GALNT6: variants seen among roughly 807,000 people sequenced by gnomAD.
GALNT6 encodes the protein polypeptide N-acetylgalactosaminyltransferase 6, also known as GalNAc transferase 6.
In GALNT6, 51 loss-of-function variants were observed where a neutral mutation model predicts 65.9. That is an observed-to-expected ratio of 0.77 (90% confidence interval 0.62 to 0.98). GALNT6 has a LOEUF of 0.98. Among genes scored for constraint, GALNT6 ranks in the 50% least tolerant of loss-of-function variants. GALNT6 has a pLI of 0.00. For missense variants in GALNT6, 708 were observed against 803.3 expected (o/e 0.88, Z 1.43); for synonymous variants, 323 against 315.1 (o/e 1.02, Z -0.26).
rs1330835255 is a variant in GALNT6 at position 51,359,317 on chromosome 12, C to T, written c.1183G>A (p.Gly395Ser). Residue 395 changes from glycine to serine, a missense_variant, in exon 8 of 12, where the codon GGC (glycine) becomes AGC (serine). By Grantham distance (56) the Gly-to-Ser change is moderately conservative. Transcript: ENST00000356317. ...GAGCAGGGGATGATCTCCAGCTGGC[C>T]CCCACACTGCCACACCTGATGTAAG... ...EMSFRVWQCG[G>S]QLEIIPCSVV... 1.2e-6 allele frequency: 2 copies of T among 1,610,604 alleles called. No individual in the cohort carries two copies. Among genetic ancestry groups the T allele is most frequent in the African/African-American group, 1.3e-5 (1 of 74,822 alleles).
rs369224950 is a variant in GALNT6, at chr12:51,378,882, AC to A, written c.491+408del. On this transcript the variant is annotated intron_variant, in intron 3 of 11. Transcript: ENST00000356317. ...CCAGGGTTGCTGTTAAGAAATGCCC[AC>A]CCCCCCCCCAAACAGCTCAGCATTA... Among the ~76,000 whole-genome samples, 236 of 115,082 alleles carry A rather than the reference AC, an allele frequency of 2.1e-3. 3 individuals are homozygous for A. The highest frequency in any genetic ancestry group is 7.6e-3 in the African/African-American group (204 of 26,742). The allele number at this position is 115,082 out of a possible 152,430, so 75.5% of individuals were successfully genotyped here.
At chr12:51,358,395 G>T in intron 8 of GALNT6, 134 bp from the exon 9 acceptor site, 2 of 997,578 alleles carry the variant, frequency 2.0e-6, no homozygotes, top group East Asian at 5.0e-5. Flanking sequence ...TCCCCTCCTG[G>T]GTTCAAGCGA....
chr12:51,379,411 T>G lies in GALNT6; in HGVS notation c.371A>C (p.Lys124Thr). ...GADGKAFQKS[K>T]WTPLETQEKE... ...TTCCTGGGTCTCCAGGGGGGTCCAC[T>G]TGCTCTTCTGAAATGCTTTTCCATC... The change falls in exon 3 of 12, where the codon AAG becomes ACG. Residue 124 changes from lysine to threonine, a missense_variant. Lys to Thr is a moderately conservative substitution (Grantham distance 78). Coordinates refer to ENST00000356317, the MANE Select transcript of GALNT6 (RefSeq NM_007210.4). The G allele has an allele frequency of 6.2e-7, 1 of 1,609,282 alleles. No homozygotes were observed. Among genetic ancestry groups the G allele is most frequent in the Non-Finnish European group, 8.5e-7 (1 of 1,177,676 alleles).
intron 4 of GALNT6, among the ~76,000 whole-genome samples, chr12:51,370,142 G>A (rs1947243768): frequency 6.6e-6 from 1 of 152,236 alleles, no homozygotes. Flanking sequence ...GTTCACAGCA[G>A]CATTAGTCAC....
At chr12:51,362,751 C>T (rs2137585217) in intron 6 of GALNT6, among the ~76,000 whole-genome samples, 1 of 152,330 alleles carries the variant, frequency 6.6e-6, no homozygotes, top group Non-Finnish European at 1.5e-5. Context: ...TTTCCTTTCC[C>T]TCTCTCCTTC....
intron 5 of GALNT6, 135 bp downstream of exon 5, chr12:51,365,295 C>T (rs1435088337): frequency 2.7e-6 from 2 of 747,020 alleles, no homozygotes; most frequent in East Asian, 2.9e-5. Context: ...GGTAGAGGCA[C>T]CTGGAGTGGG....
intron 4 of GALNT6, among the ~76,000 whole-genome samples, chr12:51,369,401 A>AGGAGACT (rs1947217657): frequency 1.3e-5 from 2 of 152,120 alleles, no homozygotes; most frequent in African/African-American, 4.8e-5. Context: ...CCCAGAACTG[A>AGGAGACT]GGAGACTGGA....
intron 2 of GALNT6, among the ~76,000 whole-genome samples, chr12:51,389,491 A>G (rs1947952652): frequency 6.6e-6 from 1 of 152,234 alleles, no homozygotes; most frequent in African/African-American, 2.4e-5. Context: ...CTTAACTATG[A>G]CATCACATTG....
At chr12:51,368,141 A>T (rs73309797) in intron 4 of GALNT6, among the ~76,000 whole-genome samples, 4,147 of 150,580 alleles carry the variant, frequency 0.028, 160 homozygotes, top group East Asian at 0.13. Flanking sequence ...TTTTTTTTAA[A>T]TTTTTTTATT....
Position 51,379,399 on chromosome 12 carries a change from AG to A in GALNT6, c.382del (p.Leu128TrpfsTer54). The A allele has an allele frequency of 2.5e-6, 4 of 1,605,820 alleles. No individual in the cohort carries two copies. Among genetic ancestry groups the A allele is most frequent in the East Asian group, 4.5e-5 (2 of 44,812 alleles). On this transcript the variant is annotated frameshift_variant, in exon 3 of 12. Transcript: ENST00000356317. LOFTEE classifies it high-confidence loss of function. Reference sequence around the variant, plus strand: ...GCCTTCTTCCTTTTCCTGGGTCTCCAGGGGGGTCCACTTGCTCTTCTGAAAT... The same window carrying A: ...GCCTTCTTCCTTTTCCTGGGTCTCCAGGGGGTCCACTTGCTCTTCTGAAAT... Reference protein sequence around the residue: ...KAFQKSKWTPLETQEKEEGYK... With the variant: ...KAFQKSKWTPXETQEKEEGYK...
At chr12:51,371,211 G>A (rs1055055547) in intron 4 of GALNT6, among the ~76,000 whole-genome samples, 1 of 151,938 alleles carries the variant, frequency 6.6e-6, no homozygotes, top group Non-Finnish European at 1.5e-5. Flanking sequence ...AGCCTCCTGA[G>A]TAGCTGGGAT....
In GALNT6 at chr12:51,357,376, G is replaced by A. The variant is rs777714153; in HGVS notation, c.1575C>T (p.Tyr525=). ...NNRGGKPLIM[Y]SCHGLGGNQY... ...GGTTGCCGCCAAGGCCGTGGCAGGAGTACATGATGAGGGGCTTCCCCCCGC... is the reference window on the plus strand; with the variant it reads ...GGTTGCCGCCAAGGCCGTGGCAGGAATACATGATGAGGGGCTTCCCCCCGC... The change falls in exon 10 of 12, where the codon TAC becomes TAT. Residue 525 remains tyrosine, a synonymous_variant. Coordinates refer to ENST00000356317, the MANE Select transcript of GALNT6 (RefSeq NM_007210.4). 1 of 1,613,738 alleles carries A rather than the reference G, an allele frequency of 6.2e-7. No homozygotes were observed. The highest frequency in any genetic ancestry group is 1.1e-5 in the South Asian group (1 of 91,076).
At position 51,353,573 on chromosome 12, in the gene GALNT6, T is replaced by A. The variant is rs553092806; in HGVS notation, c.*806A>T. 6.6e-6 allele frequency: 1 copy of A among 152,116 alleles called. No individual in the cohort carries two copies. Among genetic ancestry groups the A allele is most frequent in the Admixed American group, 6.6e-5 (1 of 15,262 alleles). The allele number at this position is 152,116 out of a possible 1,614,324, so 9.4% of individuals were successfully genotyped here. A position where few individuals can be genotyped will look rare whatever the true frequency, so the allele number is the denominator to read the frequency against. ...TTAGTAGAGATGGAGTTTCACCATG[T>A]AGTCCAGGCTGGTTTCAAACTTCTG... is the stretch of plus-strand genomic sequence containing the variant. On this transcript the variant is annotated 3_prime_UTR_variant, in exon 12 of 12. Coordinates refer to ENST00000356317, the MANE Select transcript of GALNT6 (RefSeq NM_007210.4).
intron 4 of GALNT6, among the ~76,000 whole-genome samples, chr12:51,376,744 A>G (rs1231751725): frequency 6.6e-6 from 1 of 151,664 alleles, no homozygotes; most frequent in Admixed American, 6.6e-5. Flanking sequence ...AGAGCCAGGC[A>G]CACAGTACTC....
chr12:51,390,372 C>A (rs1948024165), intron 2 of GALNT6, among the ~76,000 whole-genome samples: 1 of 152,022 alleles, frequency 6.6e-6, no homozygotes, highest in Non-Finnish European at 1.5e-5. Flanking sequence ...CCATGTTGGC[C>A]AGGCTGGTCT....
intron 4 of GALNT6, among the ~76,000 whole-genome samples, chr12:51,368,411 TTC>T (rs1417317300): frequency 1.8e-5 from 2 of 111,494 alleles, no homozygotes; most frequent in African/African-American, 6.6e-5. Flanking sequence ...TTTTTTTTTC[TTC>T]TTTTTTTTGG....
intron 10 of GALNT6, 41 bp from the exon 11 acceptor site, chr12:51,355,999 C>T (rs1222077722): frequency 6.2e-7 from 1 of 1,603,626 alleles, no homozygotes; most frequent in Non-Finnish European, 8.5e-7. Flanking sequence ...GAGTTCACCC[C>T]CAGCCTTCCA....
intron 4 of GALNT6, among the ~76,000 whole-genome samples, chr12:51,375,934 C>G (rs556063984): frequency 6.6e-6 from 1 of 152,142 alleles, no homozygotes; most frequent in South Asian, 2.1e-4. Flanking sequence ...CATCTTGGCT[C>G]ACTGCAGCCT....
rs1565710008 is a variant in GALNT6, at chr12:51,355,931, G to A, written c.1630C>T (p.Leu544Phe). The A allele has an allele frequency of 1.9e-6, 3 of 1,613,496 alleles. No homozygotes were observed. The highest frequency in any genetic ancestry group is 2.5e-6 in the Non-Finnish European group (3 of 1,179,594). Residue 544 changes from leucine (L) to phenylalanine (F), a missense_variant, in exon 11 of 12, where the codon CTT becomes TTT. By Grantham distance (22) the Leu-to-Phe change is conservative. Transcript: ENST00000356317. ...QYFEYTTQRD[L>F]RHNIAKQLCL... ...AGCTGCTTTGCGATGTTGTGGCGAA[G>A]GTCCCTCTGAGTTGTGTACTCAAAG...
Sources: allele counts gnomAD v4.1 joint callset (sites outside exome capture counted in the v4.1 genomes callset), GRCh38; gene constraint gnomAD v4.1.1; transcripts MANE v1.5; gene names NCBI Gene and HGNC (gene_info 2026-07-23, HGNC 2026-07-21).